SLC44A3: variants seen among roughly 807,000 people sequenced by gnomAD.
SLC44A3 encodes choline transporter-like protein 3.
A neutral mutation model predicts 75.4 loss-of-function variants in SLC44A3; 74 were observed. The ratio of observed to expected loss-of-function variants is 0.98; its 90% CI spans 0.81 to 1.19. SLC44A3 has a LOEUF of 1.19. Among genes scored for constraint, SLC44A3 ranks in the 50% most tolerant of loss-of-function variants. SLC44A3 has a pLI of 0.00. For synonymous variants in SLC44A3, 310 were observed against 296.9 expected, an observed-to-expected ratio of 1.04 and a Z score of -0.45; for missense variants, 700 against 778.6, an observed-to-expected ratio of 0.90 and a Z score of 1.20.
intron 2 of SLC44A3, among the ~76,000 whole-genome samples, chr1:94,824,052 A>T (rs1660963145): frequency 6.6e-6 from 1 of 152,112 alleles, no homozygotes; most frequent in Non-Finnish European, 1.5e-5. Flanking sequence ...CTTCTGCAGA[A>T]TCCCTTAAAA....
Position 94,828,568 on chromosome 1 carries a change from G to A in SLC44A3, c.491G>A (p.Arg164Lys). ...HSPKADSLCP[R>K]LPVPPSKSFP... ...CCAAAAGCAGACTCACTGTGTCCCA[G>A]GCTACCAGTTCCTCCAAGGTAAAAG... is the stretch of plus-strand genomic sequence containing the variant. The change falls in exon 5 of 15, where the codon AGG (arginine) becomes AAG (lysine). Residue 164 changes from arginine to lysine, a missense_variant. Physicochemically the swap from Arg to Lys is conservative, Grantham distance 26 (BLOSUM62 2). Transcript: ENST00000271227. 1 of 1,613,730 alleles carries A rather than the reference G, an allele frequency of 6.2e-7. No individual in the cohort carries two copies.
chr1:94,846,957 G>A (rs1664481617), intron 9 of SLC44A3, among the ~76,000 whole-genome samples: 1 of 152,222 alleles, frequency 6.6e-6, no homozygotes, highest in East Asian at 1.9e-4. Flanking sequence ...TCGTCAGCAG[G>A]CTGCCTGGAA....
chr1:94,844,752 C>T (rs533140160), intron 8 of SLC44A3, among the ~76,000 whole-genome samples: 5 of 152,088 alleles, frequency 3.3e-5, no homozygotes, highest in South Asian at 2.1e-4. Flanking sequence ...CCAAGAAGCT[C>T]GGCCATGAAA....
chr1:94,828,724 G>A (rs150374603), intron 5 of SLC44A3, 138 bp downstream of exon 5: 110 of 649,618 alleles, frequency 1.7e-4, no homozygotes, highest in Admixed American at 8.5e-4. Flanking sequence ...AGTCTACGGA[G>A]GCCAGCGATA....
intron 8 of SLC44A3, chr1:94,843,465 CCT>C (rs1663945406): frequency 6.6e-6 from 1 of 152,286 alleles, no homozygotes; most frequent in Admixed American, 6.5e-5. Flanking sequence ...TCTTGCGGGG[CCT>C]CTCCTGACAC....
intron 12 of SLC44A3, among the ~76,000 whole-genome samples, chr1:94,879,589 C>T (rs1444830301): frequency 6.8e-6 from 1 of 146,192 alleles, no homozygotes; most frequent in East Asian, 2.0e-4. Flanking sequence ...CCTGTAATCT[C>T]AGCACTTTGG....
At chr1:94,832,109 A>C (rs1383217590) in intron 5 of SLC44A3, among the ~76,000 whole-genome samples, 1 of 152,166 alleles carries the variant, frequency 6.6e-6, no homozygotes, top group African/African-American at 2.4e-5. Context: ...TGGAGGTTGC[A>C]GTGAGCCAAG....
In SLC44A3 at chr1:94,820,363, G is replaced by GCCCCC; in HGVS notation, c.-89_-88insCCCCC. The GCCCCC allele has an allele frequency of 1.2e-6, 1 of 807,348 alleles. No individual in the cohort carries two copies. Among genetic ancestry groups the GCCCCC allele is most frequent in the African/African-American group, 2.6e-5 (1 of 37,836 alleles). The allele number at this position is 807,348 out of a possible 1,614,324, so 50.0% of individuals were successfully genotyped here. A position where few individuals can be genotyped will look rare whatever the true frequency, so the allele number is the denominator to read the frequency against. ...CAGCCCCAGCCCCAGCCCCAGCCCC[G>GCCCCC]GCCCCGGCCCCGGCTCGCGGGCGCT... On this transcript the variant is annotated 5_prime_UTR_variant, in exon 1 of 15. Transcript: ENST00000271227.
intron 11 of SLC44A3, among the ~76,000 whole-genome samples, chr1:94,866,564 C>G (rs978550518): frequency 6.6e-6 from 1 of 152,170 alleles, no homozygotes; most frequent in Non-Finnish European, 1.5e-5. Context: ...TAGGCTCATT[C>G]ACCAACACAG....
chr1:94,826,294 G>A (rs1438495865), intron 3 of SLC44A3, among the ~76,000 whole-genome samples: 1 of 152,220 alleles, frequency 6.6e-6, no homozygotes, highest in African/African-American at 2.4e-5. Flanking sequence ...GATGAGTTCT[G>A]TGAATGGATG....
chr1:94,839,625 G>C (rs1663310987), intron 6 of SLC44A3, among the ~76,000 whole-genome samples: 1 of 152,112 alleles, frequency 6.6e-6, no homozygotes, highest in Admixed American at 6.5e-5. Flanking sequence ...CTGACCTCAG[G>C]TGATCCACCC....
At chr1:94,874,175 T>C (rs1007468293) in intron 12 of SLC44A3, among the ~76,000 whole-genome samples, 1 of 152,212 alleles carries the variant, frequency 6.6e-6, no homozygotes, top group Non-Finnish European at 1.5e-5. Context: ...TGGCTTTAGA[T>C]AGAAAGGAAT....
rs77262711 is a variant in SLC44A3 at position 94,893,019 on chromosome 1, C to T, written c.1857+502C>T. Among the ~76,000 whole-genome samples, 248 of 152,312 alleles carry T rather than the reference C, an allele frequency of 1.6e-3. 6 individuals carry two copies. The East Asian group carries it at 0.044, about 27-fold the overall frequency. On this transcript the variant is annotated intron_variant, in intron 14 of 14. Transcript: ENST00000271227. Reference sequence around the variant, plus strand: ...AGGCCCTTTATTAGCCCAGGCACACCAGTGTGAGAAAAGCCACACCCTCAG... The same window carrying T: ...AGGCCCTTTATTAGCCCAGGCACACTAGTGTGAGAAAAGCCACACCCTCAG...
intron 1 of SLC44A3, 65 bp from the exon 2 acceptor site, chr1:94,820,884 G>A: frequency 6.9e-7 from 1 of 1,449,992 alleles, no homozygotes; most frequent in South Asian, 1.3e-5. Flanking sequence ...GTAGATTTGG[G>A]TTCGGTTTCC....
chr1:94,822,578 G>C (rs1660759088), intron 2 of SLC44A3, among the ~76,000 whole-genome samples: 1 of 152,166 alleles, frequency 6.6e-6, no homozygotes, highest in Non-Finnish European at 1.5e-5. Context: ...AGTTAGGGCT[G>C]GACAAAGGCT....
rs1571349651 is a variant in SLC44A3 at position 94,864,828 on chromosome 1, T to A, written c.1324T>A (p.Ser442Thr). 6.2e-7 allele frequency: 1 copy of A among 1,614,080 alleles called. No homozygotes were observed. The highest frequency in any genetic ancestry group is 2.2e-5 in the East Asian group (1 of 44,878). ...CCATCAAGGAACCGTTGTGAAAGGG[T>A]CATTTTTAATCTCTGTGGTGAGGAT... is the stretch of plus-strand genomic sequence containing the variant. ...FYHQGTVVKG[S>T]FLISVVRIPR... The change falls in exon 11 of 15, where the codon TCA (serine) becomes ACA (threonine). Residue 442 changes from serine to threonine, a missense_variant. Physicochemically the swap from Ser to Thr is moderately conservative, Grantham distance 58. Coordinates refer to ENST00000271227, the MANE Select transcript of SLC44A3 (RefSeq NM_001114106.3).
rs141003276 is a variant in SLC44A3, at chr1:94,874,711, C to T, written c.1482+7294C>T. Among the ~76,000 whole-genome samples the T allele has an allele frequency of 7.9e-3, 1,208 of 152,274 alleles. 7 individuals carry two copies. Among genetic ancestry groups the T allele is most frequent in the Non-Finnish European group, 0.014 (947 of 68,016 alleles). ...TTACTATGTACCGGATACTGTGCTACTTTATGTGTATCAACTACCTATAGC... is the reference window on the plus strand; with the variant it reads ...TTACTATGTACCGGATACTGTGCTATTTTATGTGTATCAACTACCTATAGC... On this transcript the variant is annotated intron_variant, in intron 12 of 14. Transcript: ENST00000271227.
intron 5 of SLC44A3, among the ~76,000 whole-genome samples, chr1:94,830,289 T>C (rs1465956403): frequency 6.6e-6 from 1 of 152,198 alleles, no homozygotes; most frequent in Non-Finnish European, 1.5e-5. Flanking sequence ...CTCAGCTCAC[T>C]GCAACCTCCA....
chr1:94,848,374 T>G (rs546145320), intron 9 of SLC44A3, among the ~76,000 whole-genome samples: 54 of 152,014 alleles, frequency 3.6e-4, no homozygotes, highest in Non-Finnish European at 6.5e-4. Flanking sequence ...GGATGAGGTG[T>G]GATGGAGGTG....
Sources: gnomAD v4.1 joint callset for allele counts (sites outside exome capture counted in the v4.1 genomes callset) on GRCh38, gnomAD v4.1.1 for gene constraint, MANE v1.5 for transcripts, NCBI Gene and HGNC (gene_info 2026-07-23, HGNC 2026-07-21) for gene names.